GPC5: variants seen among roughly 807,000 people sequenced by gnomAD.
GPC5 encodes glypican 5, also known as glypican-5.
In GPC5, 47 loss-of-function variants were observed where a neutral mutation model predicts 53.9. That is an observed-to-expected ratio of 0.87 (90% confidence interval 0.69 to 1.11). GPC5 has a LOEUF of 1.11. GPC5 is among the 50% of genes most tolerant of loss of function. GPC5 has a pLI of 0.00. For synonymous variants in GPC5, 286 were observed against 263.3 expected (o/e 1.09, Z -0.84); for missense variants, 748 against 713.1 (o/e 1.05, Z -0.56).
intron 7 of GPC5, among the ~76,000 whole-genome samples, chr13:92,767,940 A>G (rs1229551068): frequency 6.6e-6 from 1 of 152,168 alleles, no homozygotes; most frequent in Non-Finnish European, 1.5e-5. Context: ...TCTTTTGTGT[A>G]TATCGTTTTG....
chr13:91,595,048 G>A (rs969116154), intron 2 of GPC5, among the ~76,000 whole-genome samples: 6 of 147,802 alleles, frequency 4.1e-5, no homozygotes, highest in African/African-American at 7.5e-5. Context: ...ATTTCTAGAC[G>A]GAGACTCACT....
intron 3 of GPC5, among the ~76,000 whole-genome samples, chr13:91,719,445 G>A (rs1034438498): frequency 6.6e-6 from 1 of 152,212 alleles, no homozygotes; most frequent in African/African-American, 2.4e-5. Context: ...CTGTGTGTCT[G>A]ATTTCTTCTG....
At chr13:92,464,573 G>T (rs1373908463) in intron 7 of GPC5, among the ~76,000 whole-genome samples, 1 of 152,014 alleles carries the variant, frequency 6.6e-6, no homozygotes, top group African/African-American at 2.4e-5. Context: ...GATTAACATA[G>T]TTTACTGATG....
At chr13:91,875,888 G>C (rs150613781) in intron 5 of GPC5, among the ~76,000 whole-genome samples, 9 of 152,270 alleles carry the variant, frequency 5.9e-5, no homozygotes, top group Non-Finnish European at 1.0e-4. Flanking sequence ...GATGTGGTTT[G>C]GCTTTGTCTC....
chr13:91,537,598 A>C (rs1397224822), intron 2 of GPC5, among the ~76,000 whole-genome samples: 1 of 152,232 alleles, frequency 6.6e-6, no homozygotes, highest in South Asian at 2.1e-4. Context: ...AACATTAAAC[A>C]TGAATTCCTA....
At chr13:92,128,146 C>T (rs1368364715) in intron 6 of GPC5, among the ~76,000 whole-genome samples, 2 of 152,080 alleles carry the variant, frequency 1.3e-5, no homozygotes, top group African/African-American at 4.8e-5. Flanking sequence ...CCTCTGGGTC[C>T]TTTGATAATA....
intron 7 of GPC5, among the ~76,000 whole-genome samples, chr13:92,228,098 A>G (rs1008921501): frequency 6.6e-6 from 1 of 151,600 alleles, no homozygotes; most frequent in Non-Finnish European, 1.5e-5. Flanking sequence ...AGGAGGAGGA[A>G]GAAGATGGAT....
chr13:91,885,855 G>C (rs1055925414), intron 5 of GPC5, among the ~76,000 whole-genome samples: 2 of 152,052 alleles, frequency 1.3e-5, no homozygotes, highest in African/African-American at 4.8e-5. Context: ...ATAGTTTAAA[G>C]CAATGTTCTA....
intron 5 of GPC5, among the ~76,000 whole-genome samples, chr13:91,817,164 C>G (rs575410370): frequency 6.6e-6 from 1 of 152,136 alleles, no homozygotes; most frequent in Non-Finnish European, 1.5e-5. Flanking sequence ...CCCCAAAACA[C>G]CAAAATGCAA....
At chr13:92,353,843 G>A (rs1368731204) in intron 7 of GPC5, among the ~76,000 whole-genome samples, 1 of 151,794 alleles carries the variant, frequency 6.6e-6, no homozygotes, top group Non-Finnish European at 1.5e-5. Flanking sequence ...ACCTATTAAG[G>A]CATTTTGAAA....
At chr13:92,572,543 G>A (rs1021191168) in intron 7 of GPC5, among the ~76,000 whole-genome samples, 1 of 152,004 alleles carries the variant, frequency 6.6e-6, no homozygotes, top group Admixed American at 6.6e-5. Flanking sequence ...GATATGGTTG[G>A]GTTCATTAGG....
At chr13:91,678,234 C>G (rs186082153) in intron 2 of GPC5, among the ~76,000 whole-genome samples, 2 of 152,132 alleles carry the variant, frequency 1.3e-5, no homozygotes, top group African/African-American at 4.8e-5. Context: ...CTTGGCAATA[C>G]GATCTAGCAG....
intron 7 of GPC5, among the ~76,000 whole-genome samples, chr13:92,753,992 CT>C (rs59402273): frequency 0.36 from 54,205 of 151,450 alleles, 10,891 homozygotes; most frequent in East Asian, 0.75. Context: ...CACAAAGATA[CT>C]CCTCAAGAAG....
At chr13:92,465,785 T>C (rs1878667463) in intron 7 of GPC5, among the ~76,000 whole-genome samples, 1 of 152,028 alleles carries the variant, frequency 6.6e-6, no homozygotes, top group African/African-American at 2.4e-5. Flanking sequence ...TAAGAAAACA[T>C]TAGTCCAATG....
At chr13:92,158,336 G>T (rs559579266) in intron 7 of GPC5, among the ~76,000 whole-genome samples, 16 of 152,240 alleles carry the variant, frequency 1.1e-4, no homozygotes, top group Non-Finnish European at 2.4e-4. Context: ...GAAAAGAATG[G>T]ATTTATTCAA....
intron 6 of GPC5, among the ~76,000 whole-genome samples, chr13:92,014,244 G>T (rs1395803659): frequency 6.6e-6 from 1 of 152,064 alleles, no homozygotes; most frequent in Non-Finnish European, 1.5e-5. Flanking sequence ...AATTTAAGAG[G>T]GCAGAATAAT....
At chr13:92,286,156 C>T (rs923373552) in intron 7 of GPC5, among the ~76,000 whole-genome samples, 40 of 152,158 alleles carry the variant, frequency 2.6e-4, no homozygotes, top group Non-Finnish European at 4.7e-4. Flanking sequence ...CACTGGCCAT[C>T]AGAGAAATGC....
At position 91,409,557 on chromosome 13, in the gene GPC5, T is replaced by C. The variant is rs151311363; in HGVS notation, c.163+10348T>C. 7.7e-4 allele frequency among the ~76,000 whole-genome samples: 118 copies of C among 152,366 alleles called. 1 individual carries two copies. In the East Asian group the frequency reaches 0.015, roughly 19 times the overall value. On this transcript the variant is annotated intron_variant, in intron 1 of 7. Transcript: ENST00000377067. ...ATCTTACATAAGGAAAACTAGTAGT[T>C]ATGACAAACCATGAAAATGTCATGG...
At chr13:92,860,387 G>T (rs981243674) in intron 7 of GPC5, among the ~76,000 whole-genome samples, 1 of 151,990 alleles carries the variant, frequency 6.6e-6, no homozygotes, top group Non-Finnish European at 1.5e-5. Context: ...TGGTTCTCGG[G>T]TTATACAGAA....
Sources: allele counts gnomAD v4.1 joint callset (sites outside exome capture counted in the v4.1 genomes callset), GRCh38; gene constraint gnomAD v4.1.1; transcripts MANE v1.5; gene names NCBI Gene and HGNC (gene_info 2026-07-23, HGNC 2026-07-21).